The following PHLDB2 variants were observed in gnomAD, a reference collection of about 807,000 sequenced individuals.
PHLDB2 encodes pleckstrin homology-like domain family B member 2.
Under a neutral mutation model 123.6 loss-of-function variants are expected in PHLDB2, and 71 were observed. The ratio of observed to expected loss-of-function variants is 0.57; its 90% CI spans 0.47 to 0.70. PHLDB2 has a LOEUF of 0.70. PHLDB2 is among the 30% of genes least tolerant of loss of function. The pLI is 0.00. For missense variants in PHLDB2, 1,446 were observed against 1,519.5 expected, an observed-to-expected ratio of 0.95 and a Z score of 0.80; for synonymous variants, 547 against 541.6, an observed-to-expected ratio of 1.01 and a Z score of -0.14.
chr3:111,936,191 C>T (rs1404851465), intron 6 of PHLDB2, among the ~76,000 whole-genome samples: 1 of 152,122 alleles, frequency 6.6e-6, no homozygotes. Flanking sequence ...TAAAAAGTTA[C>T]TGGAAAGAAA....
rs2070878783 is a variant in PHLDB2, at chr3:111,954,072, A to G, written c.2872+43A>G. 5 of 1,557,104 alleles carry G rather than the reference A, an allele frequency of 3.2e-6. No individual in the cohort carries two copies. In the South Asian group the frequency reaches 5.7e-5, roughly 18 times the overall value. On this transcript the variant is annotated intron_variant, in intron 12 of 17. Transcript: ENST00000431670. The stretch of plus-strand genomic sequence containing the variant: ...CAAGTGTCATGGCCTTTTGTTAAGC[A>G]TTAGAATTCTTCAGGGGGAGGAAGT...
At chr3:111,799,613 G>T (rs888511377) in intron 1 of PHLDB2, among the ~76,000 whole-genome samples, 3 of 152,156 alleles carry the variant, frequency 2.0e-5, no homozygotes, top group Non-Finnish European at 4.4e-5. Context: ...TTGTCTCAAA[G>T]ACATCAGGTT....
At chr3:111,897,673 C>T (rs527479955) in intron 2 of PHLDB2, among the ~76,000 whole-genome samples, 1 of 152,318 alleles carries the variant, frequency 6.6e-6, no homozygotes, top group African/African-American at 2.4e-5. Flanking sequence ...ACAAATTTCT[C>T]ATATGGTGAT....
At chr3:111,905,387 C>T (rs2067452699) in intron 2 of PHLDB2, among the ~76,000 whole-genome samples, 1 of 152,062 alleles carries the variant, frequency 6.6e-6, no homozygotes, top group African/African-American at 2.4e-5. Context: ...GAGACAGTGT[C>T]TCATTGTCAC....
intron 13 of PHLDB2, among the ~76,000 whole-genome samples, chr3:111,962,962 A>G (rs1365467285): frequency 1.3e-5 from 2 of 151,854 alleles, no homozygotes; most frequent in African/African-American, 2.4e-5. Context: ...AAGAAAGAAA[A>G]AGAAAAGGAA....
At chr3:111,883,892 TCTC>T in intron 1 of PHLDB2, 169 bp from the exon 2 acceptor site, 2 of 598,618 alleles carry the variant, frequency 3.3e-6, no homozygotes, top group East Asian at 2.8e-5. Context: ...TGATCTTTAT[TCTC>T]CTTTAATTTG....
At chr3:111,754,698 G>A (rs1479637516) in intron 1 of PHLDB2, among the ~76,000 whole-genome samples, 1 of 147,394 alleles carries the variant, frequency 6.8e-6, no homozygotes, top group Non-Finnish European at 1.5e-5. Context: ...TTGAATAGGA[G>A]TGGTGAGAGA....
chr3:111,932,365 A>C lies in PHLDB2; in HGVS notation c.2098A>C (p.Met700Leu). 6.4e-7 allele frequency: 1 copy of C among 1,551,750 alleles called. No homozygotes were observed. The highest frequency in any genetic ancestry group is 8.7e-7 in the Non-Finnish European group (1 of 1,146,758). ...CCAGCTGGACAATTGTCCTGAGTCCATGAGGGAACAGTTACAACAACAACT... is the reference window on the plus strand; with the variant it reads ...CCAGCTGGACAATTGTCCTGAGTCCCTGAGGGAACAGTTACAACAACAACT... ...KTQLDNCPES[M>L]REQLQQQLKR... Residue 700 changes from methionine (M) to leucine (L), a missense_variant, in exon 6 of 18, where the codon ATG becomes CTG. By Grantham distance (15) the Met-to-Leu change is conservative. Around this residue, in one of 3 missense-constraint regions of PHLDB2, gnomAD observed 20 missense variants for 41.6 expected, o/e 0.48. Transcript: ENST00000431670.
At chr3:111,848,559 G>C (rs928271951) in intron 2 of PHLDB2, among the ~76,000 whole-genome samples, 3 of 152,176 alleles carry the variant, frequency 2.0e-5, no homozygotes, top group African/African-American at 7.2e-5. Context: ...ACCTTATCTG[G>C]GATTTTTGTT....
At chr3:111,852,412 A>T (rs1038623803) in intron 2 of PHLDB2, among the ~76,000 whole-genome samples, 2 of 148,728 alleles carry the variant, frequency 1.3e-5, no homozygotes, top group Non-Finnish European at 3.0e-5. Flanking sequence ...ATATATTATA[A>T]TAATCCTTAT....
chr3:111,773,067 G>A (rs1216154435), intron 1 of PHLDB2, among the ~76,000 whole-genome samples: 1 of 152,182 alleles, frequency 6.6e-6, no homozygotes, highest in East Asian at 1.9e-4. Flanking sequence ...TAGGTAAGAA[G>A]TTTTATGCTC....
At chr3:111,817,351 C>T (rs6796175) in intron 1 of PHLDB2, among the ~76,000 whole-genome samples, 25,521 of 152,036 alleles carry the variant, frequency 0.17, 3,003 homozygotes, top group East Asian at 0.32. Context: ...GCTTTATGCA[C>T]AAGAAGAGAA....
intron 1 of PHLDB2, among the ~76,000 whole-genome samples, chr3:111,788,296 A>G (rs1024188516): frequency 6.6e-5 from 10 of 152,204 alleles, no homozygotes; most frequent in Admixed American, 6.5e-5. Flanking sequence ...TTATATCTGG[A>G]TGACTACCTT....
chr3:111,764,862 C>A (rs1236029020), intron 1 of PHLDB2, among the ~76,000 whole-genome samples: 1 of 152,212 alleles, frequency 6.6e-6, no homozygotes, highest in Non-Finnish European at 1.5e-5. Flanking sequence ...TCTAACCTCT[C>A]TTCTTTTTGA....
chr3:111,802,306 TGGCCTACAGAGTGAAGAATAAA>T (rs918413517), intron 1 of PHLDB2, among the ~76,000 whole-genome samples: 1 of 152,200 alleles, frequency 6.6e-6, no homozygotes, highest in Non-Finnish European at 1.5e-5. Context: ...CCAGAGGATC[TGGCCTACAGAGTGAAGAATAAA>T]GGGGAGACAG....
In PHLDB2 at chr3:111,859,749, G is replaced by A. The variant is rs527405446; in HGVS notation, c.-15+173G>A. On this transcript the variant is annotated intron_variant, in intron 1 of 17. Coordinates refer to ENST00000431670, the MANE Select transcript of PHLDB2 (RefSeq NM_001134438.2). ...GGCTGCCCGGGCCGAGGAGGGGCGC[G>A]CTGACTGCTCACCGCGAGTCAGGAG... is the stretch of plus-strand genomic sequence containing the variant. The A allele has an allele frequency of 1.1e-3, 1,083 of 985,468 alleles. 13 individuals are homozygous for A. In the African/African-American group the frequency reaches 0.017, roughly 16 times the overall value. The allele number at this position is 985,468 out of a possible 1,614,324, so 61.0% of individuals were successfully genotyped here. A position where few individuals can be genotyped will look rare whatever the true frequency, so the allele number is the denominator to read the frequency against.
At chr3:111,734,421 T>A (rs990303215) in intron 1 of PHLDB2, among the ~76,000 whole-genome samples, 72 of 152,118 alleles carry the variant, frequency 4.7e-4, no homozygotes, top group African/African-American at 1.6e-3. Context: ...CTACAAAAAA[T>A]TTTTTTTAAA....
At chr3:111,901,429 C>T (rs925340861) in intron 2 of PHLDB2, among the ~76,000 whole-genome samples, 2 of 151,176 alleles carry the variant, frequency 1.3e-5, no homozygotes, top group Non-Finnish European at 2.9e-5. Context: ...TATTATAGTA[C>T]TTTCAGTTGT....
Position 111,966,620 on chromosome 3 carries a change from A to C in PHLDB2, c.3085A>C (p.Thr1029Pro). 2 of 1,612,724 alleles carry C rather than the reference A, an allele frequency of 1.2e-6. No individual in the cohort carries two copies. Among genetic ancestry groups the C allele is most frequent in the East Asian group, 2.2e-5 (1 of 44,832 alleles). The change falls in exon 14 of 18, where the codon ACT becomes CCT. Residue 1029 changes from threonine to proline, a missense_variant. Transcript: ENST00000431670. ...CTTTGGTGTTTCATTCAGTGCCAGCACTTCAAATATTGCTAGAATAGAAGA... is the reference window on the plus strand; with the variant it reads ...CTTTGGTGTTTCATTCAGTGCCAGCCCTTCAAATATTGCTAGAATAGAAGA... Reference protein sequence around the residue: ...CSPDNISSASTSNIARIEEME... With the variant: ...CSPDNISSASPSNIARIEEME...
Sources: gnomAD v4.1 joint callset for allele counts (sites outside exome capture counted in the v4.1 genomes callset) on GRCh38, gnomAD v4.1.1 for gene constraint, gnomAD v4.1.1 regional missense constraint, MANE v1.5 for transcripts, NCBI Gene and HGNC (gene_info 2026-07-23, HGNC 2026-07-21) for gene names.